KLHDC1: variants seen among roughly 807,000 people sequenced by gnomAD.
KLHDC1 encodes the protein kelch domain containing 1, also known as kelch domain-containing protein 1.
In KLHDC1, 53 loss-of-function variants were observed where a neutral mutation model predicts 68.3. The observed-to-expected ratio is 0.78, with a 90% CI of 0.62 to 0.98. KLHDC1 has a LOEUF of 0.98. Among genes scored for constraint, KLHDC1 ranks in the 50% least tolerant of loss-of-function variants. KLHDC1 has a pLI of 0.00. For synonymous variants in KLHDC1, 148 were observed against 159.0 expected, an observed-to-expected ratio of 0.93 and a Z score of 0.52; for missense variants, 470 against 492.3, an observed-to-expected ratio of 0.95 and a Z score of 0.43.
intron 1 of KLHDC1, chr14:49,700,030 C>CTT (rs544505001): frequency 1.7e-3 from 511 of 309,284 alleles, no homozygotes; most frequent in South Asian, 3.0e-3. Flanking sequence ...TGCTGTGAAC[C>CTT]TTTTTTTTTT....
At chr14:49,708,223 A>C (rs949335010) in intron 1 of KLHDC1, 1 of 151,956 alleles carries the variant, frequency 6.6e-6, no homozygotes, top group African/African-American at 2.4e-5. Context: ...GGCATACGCC[A>C]CCATGCCTGG....
rs992092493 is a variant in KLHDC1, at chr14:49,711,910, C to CTTTTTTTTTTTTTT, written c.404+1543_404+1556dup. On this transcript the variant is annotated intron_variant, in intron 4 of 12. Transcript: ENST00000359332. ...TTATATGTCTTTCTTTTTTCTTTTT[C>CTTTTTTTTTTTTTT]TTTTTTTTTTTTTTTTTTTTTTTTT... is the stretch of plus-strand genomic sequence containing the variant. 1.8e-3 allele frequency among the ~76,000 whole-genome samples: 135 copies of CTTTTTTTTTTTTTT among 76,612 alleles called. 2 individuals are homozygous for CTTTTTTTTTTTTTT. The highest frequency in any genetic ancestry group is 2.1e-3 in the African/African-American group (43 of 20,066). The allele number at this position is 76,612 out of a possible 152,430, so 50.3% of individuals were successfully genotyped here.
chr14:49,729,040 A>T (rs753036411), intron 7 of KLHDC1, 31 bp downstream of exon 7: 6 of 1,379,014 alleles, frequency 4.4e-6, no homozygotes, highest in Non-Finnish European at 6.2e-6. Flanking sequence ...TGGTATTTTT[A>T]TGTGCAATGC....
rs376692639 is a variant in KLHDC1, at chr14:49,728,968, G to C, written c.610G>C (p.Val204Leu). ...PQPRAAHTCA[V>L]LGNKGYIFGG... ...GCCACGAGCCGCGCATACATGTGCAGTTCTTGGAAATAAGGGTTATATCTT... is the reference window on the plus strand; with the variant it reads ...GCCACGAGCCGCGCATACATGTGCACTTCTTGGAAATAAGGGTTATATCTT... Residue 204 changes from valine (V) to leucine (L), a missense_variant, in exon 7 of 13, where the codon GTT becomes CTT. By Grantham distance (32) the Val-to-Leu change is conservative. Transcript: ENST00000359332. 6.2e-7 allele frequency: 1 copy of C among 1,613,864 alleles called. No individual in the cohort carries two copies. The highest frequency in any genetic ancestry group is 8.5e-7 in the Non-Finnish European group (1 of 1,179,774).
intron 4 of KLHDC1, among the ~76,000 whole-genome samples, chr14:49,717,047 A>C (rs1028093241): frequency 4.6e-5 from 7 of 152,188 alleles, no homozygotes; most frequent in African/African-American, 9.7e-5. Context: ...AGCATATAGC[A>C]TTCCTTTTTA....
At chr14:49,740,983 A>G (rs1188783151) in intron 11 of KLHDC1, among the ~76,000 whole-genome samples, 1 of 152,030 alleles carries the variant, frequency 6.6e-6, no homozygotes, top group East Asian at 1.9e-4. Context: ...AGTCCCAGCT[A>G]CTTAGGAGGC....
At chr14:49,710,204 C>A (rs932334117) in intron 3 of KLHDC1, 59 bp from the exon 4 acceptor site, 22 of 900,752 alleles carry the variant, frequency 2.4e-5, no homozygotes, top group Non-Finnish European at 1.8e-6. Flanking sequence ...CACATTCCCT[C>A]TGATATAGAT....
chr14:49,693,682 C>T (rs1438874010), intron 1 of KLHDC1, among the ~76,000 whole-genome samples: 1 of 151,276 alleles, frequency 6.6e-6, no homozygotes, highest in East Asian at 1.9e-4. Context: ...CTTATTCCCA[C>T]GGCGCGATTC....
At chr14:49,745,061 C>T (rs1299240617) in intron 12 of KLHDC1, among the ~76,000 whole-genome samples, 5 of 151,998 alleles carry the variant, frequency 3.3e-5, no homozygotes, top group Non-Finnish European at 7.4e-5. Flanking sequence ...AGAAGTTGCC[C>T]AGTGAACAAG....
intron 12 of KLHDC1, among the ~76,000 whole-genome samples, chr14:49,746,541 G>C (rs1198381682): frequency 6.6e-6 from 1 of 152,156 alleles, no homozygotes; most frequent in Admixed American, 6.6e-5. Flanking sequence ...AGAACATTTG[G>C]ATTGAAAAGC....
intron 1 of KLHDC1, among the ~76,000 whole-genome samples, chr14:49,699,581 G>C (rs761310482): frequency 6.6e-6 from 1 of 152,164 alleles, no homozygotes; most frequent in Non-Finnish European, 1.5e-5. Context: ...GATAGTTCTA[G>C]ATTATATATT....
chr14:49,728,715 G>T (rs1469095374), intron 6 of KLHDC1, among the ~76,000 whole-genome samples: 2 of 152,160 alleles, frequency 1.3e-5, no homozygotes, highest in Non-Finnish European at 2.9e-5. Flanking sequence ...ATTTTCAAAA[G>T]TAAAGATCAG....
intron 4 of KLHDC1, among the ~76,000 whole-genome samples, chr14:49,718,437 G>A (rs1213341892): frequency 6.6e-6 from 1 of 151,568 alleles, no homozygotes; most frequent in Non-Finnish European, 1.5e-5. Flanking sequence ...CACACCACCA[G>A]GCACAGCTAA....
intron 1 of KLHDC1, among the ~76,000 whole-genome samples, chr14:49,706,501 GT>G (rs966005634): frequency 6.6e-6 from 1 of 152,174 alleles, no homozygotes; most frequent in Non-Finnish European, 1.5e-5. Flanking sequence ...ATACCTAGCA[GT>G]GGGGGTGCTG....
In KLHDC1 at chr14:49,709,158, G is replaced by T; in HGVS notation, c.97-1G>T. On this transcript the variant is annotated splice_acceptor_variant, in intron 1 of 12. Transcript: ENST00000359332. LOFTEE classifies it high-confidence loss of function. ...TAATTTTATGTATTCTGTATTTTTA[G>T]TCTATTGAAGACAATGAAGTATATT... The T allele has an allele frequency of 8.4e-7, 1 of 1,183,634 alleles. No homozygotes were observed. The allele number at this position is 1,183,634 out of a possible 1,614,324, so 73.3% of individuals were successfully genotyped here. A position where few individuals can be genotyped will look rare whatever the true frequency, so the allele number is the denominator to read the frequency against.
chr14:49,699,159 C>CT (rs1183118377), intron 1 of KLHDC1, among the ~76,000 whole-genome samples: 674 of 47,536 alleles, frequency 0.014, 6 homozygotes, highest in African/African-American at 0.035. Flanking sequence ...GCAAGACTGT[C>CT]TCAAAAAAAA....
chr14:49,693,535 C>T (rs1213258504), intron 1 of KLHDC1, among the ~76,000 whole-genome samples: 1 of 151,762 alleles, frequency 6.6e-6, no homozygotes. Flanking sequence ...CTCTCCGCCC[C>T]TCTTTGCCAG....
rs370100757 is a variant in KLHDC1, at chr14:49,732,378, G to A, written c.711-326G>A. ...AGTAGAGATGGGGTTTCACCATGCTGCCCAGTCTGGTCTCGAACTCCTGAG... is the reference window on the plus strand; with the variant it reads ...AGTAGAGATGGGGTTTCACCATGCTACCCAGTCTGGTCTCGAACTCCTGAG... On this transcript the variant is annotated intron_variant, in intron 8 of 12. Transcript: ENST00000359332. 1.3e-4 allele frequency among the ~76,000 whole-genome samples: 20 copies of A among 152,130 alleles called. No individual in the cohort carries two copies. The East Asian group carries it at 1.9e-3, about 15-fold the overall frequency.
At chr14:49,711,275 C>T (rs1175904932) in intron 4 of KLHDC1, among the ~76,000 whole-genome samples, 3 of 152,206 alleles carry the variant, frequency 2.0e-5, no homozygotes, top group Non-Finnish European at 4.4e-5. Context: ...AATCTCGGCT[C>T]ACTGCAACCT....
Sources: allele counts gnomAD v4.1 joint callset (sites outside exome capture counted in the v4.1 genomes callset), GRCh38; gene constraint gnomAD v4.1.1; transcripts MANE v1.5; gene names NCBI Gene and HGNC (gene_info 2026-07-23, HGNC 2026-07-21).